RORA: variants seen among roughly 807,000 people sequenced by gnomAD.
The protein encoded by RORA is RAR related orphan receptor A.
In RORA, 7 loss-of-function variants were observed where a neutral mutation model predicts 69.5. The ratio of observed to expected loss-of-function variants is 0.10; its 90% CI spans 0.06 to 0.19. The LOEUF (loss-of-function observed/expected upper bound fraction) is 0.19. RORA is among the 10% of genes least tolerant of loss of function. RORA has a pLI of 1.00. For synonymous variants in RORA, 261 were observed against 240.8 expected, an observed-to-expected ratio of 1.08 and a Z score of -0.78; for missense variants, 457 against 663.0, an observed-to-expected ratio of 0.69 and a Z score of 3.41.
At chr15:60,859,474 C>CTT (rs3053901) in intron 1 of RORA, among the ~76,000 whole-genome samples, 6 of 135,440 alleles carry the variant, frequency 4.4e-5, no homozygotes, top group Non-Finnish European at 9.5e-5. Flanking sequence ...TTTTCTTTGC[C>CTT]TTTTTTTTTT....
rs529868180 is a variant in RORA at position 60,977,590 on chromosome 15, C to A, written c.166+251463G>T. On this transcript the variant is annotated intron_variant, in intron 1 of 10. Coordinates refer to ENST00000335670, the MANE Select transcript of RORA (RefSeq NM_134261.3). ...CCAGAACATGACCCCAAAAAGAAACCCCATAGCTGTTAGCAGACAATCCAA... is the reference window on the plus strand; with the variant it reads ...CCAGAACATGACCCCAAAAAGAAACACCATAGCTGTTAGCAGACAATCCAA... 3.9e-5 allele frequency among the ~76,000 whole-genome samples: 6 copies of A among 152,080 alleles called. No homozygotes were observed. The South Asian group carries it at 1.2e-3, about 32-fold the overall frequency.
At chr15:60,819,430 T>C (rs2072858988) in intron 1 of RORA, among the ~76,000 whole-genome samples, 2 of 152,184 alleles carry the variant, frequency 1.3e-5, no homozygotes, top group South Asian at 4.1e-4. Flanking sequence ...CTGAAAATAC[T>C]AGGTAACTTA....
rs771171161 is a variant in RORA, at chr15:60,531,866, C to G, written c.197-15G>C. The G allele has an allele frequency of 4.6e-6, 7 of 1,529,070 alleles. No homozygotes were observed. Among genetic ancestry groups the G allele is most frequent in the South Asian group, 3.6e-5 (3 of 83,372 alleles). 94.7% of individuals were successfully genotyped at this position (1,529,070 alleles called of 1,614,324 possible). A position where few individuals can be genotyped will look rare whatever the true frequency, so the allele number is the denominator to read the frequency against. On this transcript the variant is annotated splice_polypyrimidine_tract_variant and intron_variant, in intron 2 of 10. Transcript: ENST00000335670. The surrounding 1 kb of genome is among the most constrained non-coding windows in gnomAD (Gnocchi z 4.8). ...TTCAATTTGAGCTGCAACAGAAGCA[C>G]GCAACCAGTTAATTACATTTTCTTT...
At chr15:61,042,477 T>G (rs782939) in intron 1 of RORA, among the ~76,000 whole-genome samples, 151,041 of 152,312 alleles carry the variant, frequency 0.99, 74,910 homozygotes, top group Middle Eastern at 1. Context: ...TACGGATGTG[T>G]AGTTAAATGC....
intron 1 of RORA, among the ~76,000 whole-genome samples, chr15:60,794,528 G>T (rs963176919): frequency 2.6e-5 from 4 of 152,194 alleles, no homozygotes; most frequent in African/African-American, 9.7e-5. Flanking sequence ...AATACTGGGT[G>T]CATACCACTG....
chr15:60,810,764 G>T (rs2072732893), intron 1 of RORA, among the ~76,000 whole-genome samples: 1 of 149,502 alleles, frequency 6.7e-6, no homozygotes, highest in Admixed American at 6.7e-5. Context: ...CCTCTAACTT[G>T]CTGCTTTCTC....
chr15:61,173,406 A>C (rs978806868), intron 1 of RORA, among the ~76,000 whole-genome samples: 3 of 152,246 alleles, frequency 2.0e-5, no homozygotes, highest in African/African-American at 7.2e-5. Context: ...TTTAAAACTT[A>C]GGAAGGATAA....
chr15:61,097,542 T>C (rs1423330122), intron 1 of RORA, among the ~76,000 whole-genome samples: 1 of 152,030 alleles, frequency 6.6e-6, no homozygotes, highest in African/African-American at 2.4e-5. Context: ...GCAGGGACTT[T>C]TGTGTTACTT....
At chr15:61,175,538 T>G in intron 1 of RORA, among the ~76,000 whole-genome samples, 1 of 42,088 alleles carries the variant, frequency 2.4e-5, no homozygotes. Flanking sequence ...GAGATCCTGT[T>G]TCTAAAAAAA....
Position 60,491,582 on chromosome 15 carries a change from C to G in RORA, c.*5873G>C, listed in dbSNP as rs1483167134. On this transcript the variant is annotated 3_prime_UTR_variant, in exon 11 of 11. Coordinates refer to ENST00000335670, the MANE Select transcript of RORA (RefSeq NM_134261.3). ...TAAATGACTGAATGTATTTATTGCT[C>G]TAAGTTCTGAGGGTTTGGTTGAACA... is the stretch of plus-strand genomic sequence containing the variant. 4 of 151,112 alleles carry G rather than the reference C, an allele frequency of 2.6e-5. No individual in the cohort carries two copies. The highest frequency in any genetic ancestry group is 3.9e-4 in the East Asian group (2 of 5,178). The allele number at this position is 151,112 out of a possible 1,614,324, so 9.4% of individuals were successfully genotyped here. A position where few individuals can be genotyped will look rare whatever the true frequency, so the allele number is the denominator to read the frequency against.
rs1014095478 is a variant in RORA, at chr15:60,489,097, C to A, written c.*8358G>T. 6.6e-6 allele frequency: 1 copy of A among 151,998 alleles called. No homozygotes were observed. The highest frequency in any genetic ancestry group is 2.4e-5 in the African/African-American group (1 of 41,390). The allele number at this position is 151,998 out of a possible 1,614,324, so 9.4% of individuals were successfully genotyped here. On this transcript the variant is annotated 3_prime_UTR_variant, in exon 11 of 11. Transcript: ENST00000335670. Reference sequence around the variant, plus strand: ...CCTCAGGAAGCTTAGGATGCTAAATCGTGCTTTAAAAAAAAGGTTTCAATC... The same window carrying A: ...CCTCAGGAAGCTTAGGATGCTAAATAGTGCTTTAAAAAAAAGGTTTCAATC...
At chr15:60,985,600 T>TTTTTTA in intron 1 of RORA, among the ~76,000 whole-genome samples, 1 of 148,376 alleles carries the variant, frequency 6.7e-6, no homozygotes, top group Non-Finnish European at 1.5e-5. Context: ...TTTTTTTTTT[T>TTTTTTA]TTTGAGATGG....
At chr15:61,093,533 G>A (rs1348185922) in intron 1 of RORA, among the ~76,000 whole-genome samples, 1 of 152,246 alleles carries the variant, frequency 6.6e-6, no homozygotes, top group Non-Finnish European at 1.5e-5. Context: ...AGTTACTTCG[G>A]TCACAGGGGA....
intron 1 of RORA, among the ~76,000 whole-genome samples, chr15:60,983,314 G>A (rs7175830): frequency 6.6e-6 from 1 of 152,118 alleles, no homozygotes; most frequent in Admixed American, 6.5e-5. Flanking sequence ...CCAGCCTGAT[G>A]CTAGTATAGC....
intron 1 of RORA, among the ~76,000 whole-genome samples, chr15:61,072,586 C>A (rs1211493249): frequency 6.6e-6 from 1 of 152,182 alleles, no homozygotes; most frequent in African/African-American, 2.4e-5. Context: ...TTTAAAAGAA[C>A]CCAAATGAAG....
chr15:60,816,546 A>G (rs1472579070), intron 1 of RORA, among the ~76,000 whole-genome samples: 31 of 118,400 alleles, frequency 2.6e-4, no homozygotes, highest in African/African-American at 9.5e-4. Flanking sequence ...CAGTATATGT[A>G]TTTATATACT....
At chr15:61,220,937 C>A (rs1567043149) in intron 1 of RORA, among the ~76,000 whole-genome samples, 1 of 152,204 alleles carries the variant, frequency 6.6e-6, no homozygotes, top group Non-Finnish European at 1.5e-5. Context: ...CCCCCACTCC[C>A]CAGCCCCAAA....
At chr15:60,585,796 A>G (rs956571474) in intron 2 of RORA, among the ~76,000 whole-genome samples, 5 of 152,206 alleles carry the variant, frequency 3.3e-5, no homozygotes, top group African/African-American at 1.2e-4. Flanking sequence ...AAAATTCAGT[A>G]TCCCTTCCAC....
chr15:61,047,840 C>G (rs1282960999), intron 1 of RORA, among the ~76,000 whole-genome samples: 3 of 152,252 alleles, frequency 2.0e-5, no homozygotes, highest in Admixed American at 6.5e-5. Context: ...CCTTGGTTTT[C>G]CCAGCTATTA....
Sources: gnomAD v4.1 joint callset for allele counts (sites outside exome capture counted in the v4.1 genomes callset) on GRCh38, gnomAD v4.1.1 for gene constraint, Gnocchi (gnomAD v3.1) non-coding constraint, MANE v1.5 for transcripts, NCBI Gene and HGNC (gene_info 2026-07-23, HGNC 2026-07-21) for gene names.